The following DPP10 variants were observed in gnomAD, a reference collection of about 807,000 sequenced individuals.
The protein encoded by DPP10 is dipeptidyl peptidase like 10.
A neutral mutation model predicts 120.9 loss-of-function variants in DPP10; 33 were observed. That is an observed-to-expected ratio of 0.27 (90% CI 0.21 to 0.37). DPP10 has a LOEUF of 0.37. Among genes scored for constraint, DPP10 ranks in the 10% least tolerant of loss-of-function variants. The pLI is 1.00. For missense variants in DPP10, 816 were observed against 942.8 expected, an observed-to-expected ratio of 0.87 and a Z score of 1.76; for synonymous variants, 337 against 326.1, an observed-to-expected ratio of 1.03 and a Z score of -0.36.
intron 1 of DPP10, among the ~76,000 whole-genome samples, chr2:114,888,275 G>C (rs1692245839): frequency 6.6e-6 from 1 of 152,170 alleles, no homozygotes; most frequent in Admixed American, 6.5e-5. Context: ...TTCCAGCACA[G>C]AGTAGAACGC....
rs2083213766 is a variant in DPP10, at chr2:115,599,854, AC to A, written c.441+73883del. Among the ~76,000 whole-genome samples the A allele has an allele frequency of 1.9e-3, 7 of 3,666 alleles. No homozygotes were observed. The South Asian group carries it at 0.22, about 116-fold the overall frequency. The allele number at this position is 3,666 out of a possible 152,430, so 2.4% of individuals were successfully genotyped here. On this transcript the variant is annotated intron_variant, in intron 5 of 25. Coordinates refer to ENST00000410059, the MANE Select transcript of DPP10 (RefSeq NM_020868.6). ...TATAGTGCATTGTAGCTCACATCTC[AC>A]TTTTTTTTGTAATTTTTAGTTGTAA...
intron 5 of DPP10, among the ~76,000 whole-genome samples, chr2:115,565,837 T>C (rs187478326): frequency 1.1e-4 from 17 of 150,518 alleles, no homozygotes; most frequent in South Asian, 4.2e-4. Flanking sequence ...CCAGGCTGGA[T>C]TGCAGCAGCA....
chr2:114,628,012 T>A (rs1245103111), intron 1 of DPP10, among the ~76,000 whole-genome samples: 1 of 152,150 alleles, frequency 6.6e-6, no homozygotes, highest in African/African-American at 2.4e-5. Context: ...TTTTGCAGAT[T>A]ACTGATGAAA....
chr2:115,187,212 A>G (rs998773973), intron 1 of DPP10, among the ~76,000 whole-genome samples: 4 of 148,666 alleles, frequency 2.7e-5, no homozygotes, highest in African/African-American at 9.9e-5. Context: ...AATTTTTTGT[A>G]TTTTTAGTAG....
chr2:115,532,960 C>T (rs532506588), intron 5 of DPP10, among the ~76,000 whole-genome samples: 1 of 151,704 alleles, frequency 6.6e-6, no homozygotes, highest in Non-Finnish European at 1.5e-5. Context: ...TTTAAGCCAT[C>T]CTTAAAAAGT....
intron 1 of DPP10, among the ~76,000 whole-genome samples, chr2:114,622,688 G>A (rs1694192681): frequency 6.6e-6 from 1 of 152,074 alleles, no homozygotes; most frequent in Non-Finnish European, 1.5e-5. Flanking sequence ...TGTGTGTTGA[G>A]AGAAAAGGGC....
intron 1 of DPP10, among the ~76,000 whole-genome samples, chr2:114,745,911 A>G (rs765003361): frequency 2.0e-5 from 3 of 152,082 alleles, no homozygotes; most frequent in Non-Finnish European, 2.9e-5. Flanking sequence ...CAGCTTTCCT[A>G]ATTTTTATTT....
At chr2:115,340,790 T>C in intron 2 of DPP10, among the ~76,000 whole-genome samples, 1 of 151,890 alleles carries the variant, frequency 6.6e-6, no homozygotes, top group Non-Finnish European at 1.5e-5. Context: ...TTAAATTTAA[T>C]AGATAAGGAT....
At chr2:114,928,464 A>T (rs1695808253) in intron 1 of DPP10, among the ~76,000 whole-genome samples, 1 of 152,118 alleles carries the variant, frequency 6.6e-6, no homozygotes, top group Admixed American at 6.5e-5. Context: ...CATGTCCCAC[A>T]TCCTGACACA....
intron 1 of DPP10, among the ~76,000 whole-genome samples, chr2:115,015,759 A>G (rs1056861536): frequency 3.7e-4 from 56 of 152,186 alleles, no homozygotes; most frequent in Non-Finnish European, 2.1e-4. Context: ...ATTGCTACAA[A>G]GAGAATAAAA....
At chr2:115,062,146 G>C (rs1295313141) in intron 1 of DPP10, among the ~76,000 whole-genome samples, 1 of 150,828 alleles carries the variant, frequency 6.6e-6, no homozygotes, top group African/African-American at 2.4e-5. Flanking sequence ...GTGTGTGTGT[G>C]TGTGTGTGTG....
chr2:115,830,875 T>G (rs1688848053), intron 21 of DPP10, among the ~76,000 whole-genome samples: 1 of 152,172 alleles, frequency 6.6e-6, no homozygotes, highest in South Asian at 2.1e-4. Flanking sequence ...AAACTTTACT[T>G]AGGGAGGTAA....
At chr2:114,975,240 T>A (rs931603763) in intron 1 of DPP10, among the ~76,000 whole-genome samples, 1 of 152,102 alleles carries the variant, frequency 6.6e-6, no homozygotes, top group Non-Finnish European at 1.5e-5. Flanking sequence ...GAGATGGGGT[T>A]TCATCATGTT....
In DPP10 at chr2:114,596,836, C is replaced by T. The variant is rs1329256390; in HGVS notation, c.60+153998C>T. Reference sequence around the variant, plus strand: ...ATCTGGGCCTTTTAACTCCACTCTGCTGTTGTTACATTATCCTTCTCTTGC... The same window carrying T: ...ATCTGGGCCTTTTAACTCCACTCTGTTGTTGTTACATTATCCTTCTCTTGC... On this transcript the variant is annotated intron_variant, in intron 1 of 25. Coordinates refer to ENST00000410059, the MANE Select transcript of DPP10 (RefSeq NM_020868.6). Among the ~76,000 whole-genome samples, 12 of 152,110 alleles carry T rather than the reference C, an allele frequency of 7.9e-5. No individual in the cohort carries two copies. In the South Asian group the frequency reaches 2.5e-3, roughly 32 times the overall value.
At chr2:115,566,946 T>G (rs1380042409) in intron 5 of DPP10, among the ~76,000 whole-genome samples, 4 of 152,164 alleles carry the variant, frequency 2.6e-5, no homozygotes, top group Non-Finnish European at 5.9e-5. Context: ...GAAACCTGGA[T>G]TCCATTACCC....
intron 3 of DPP10, among the ~76,000 whole-genome samples, chr2:115,419,975 A>G (rs11675299): frequency 0.49 from 75,136 of 152,008 alleles, 20,427 homozygotes; most frequent in Non-Finnish European, 0.63. Flanking sequence ...GATGACTTAC[A>G]TTATCCTTAA....
At chr2:114,682,998 G>A (rs1699129361) in intron 1 of DPP10, among the ~76,000 whole-genome samples, 1 of 151,926 alleles carries the variant, frequency 6.6e-6, no homozygotes, top group South Asian at 2.1e-4. Context: ...TTGGTAAACT[G>A]AAAGACCCTG....
At chr2:115,677,997 G>A (rs568971506) in intron 5 of DPP10, among the ~76,000 whole-genome samples, 2 of 152,216 alleles carry the variant, frequency 1.3e-5, no homozygotes, top group South Asian at 4.1e-4. Flanking sequence ...ATATTATTTA[G>A]CATTAATTAT....
intron 1 of DPP10, among the ~76,000 whole-genome samples, chr2:115,276,792 A>G (rs2059938545): frequency 6.6e-6 from 1 of 152,156 alleles, no homozygotes; most frequent in Admixed American, 6.5e-5. Context: ...TACCTTCTTT[A>G]TTAAGTAGGT....
Sources: gnomAD v4.1 joint callset for allele counts (sites outside exome capture counted in the v4.1 genomes callset) on GRCh38, gnomAD v4.1.1 for gene constraint, MANE v1.5 for transcripts, NCBI Gene and HGNC (gene_info 2026-07-23, HGNC 2026-07-21) for gene names.